Variants in SARNP observed in about 807,000 individuals in gnomAD.
SARNP encodes the protein SAP domain-containing ribonucleoprotein.
In SARNP, 5 loss-of-function variants were observed where a neutral mutation model predicts 38.1. That is an observed-to-expected ratio of 0.13 (90% CI 0.07 to 0.28). The LOEUF (loss-of-function observed/expected upper bound fraction) is 0.28, where lower values mean the gene tolerates loss of function less well. SARNP is among the 10% of genes least tolerant of loss of function. The pLI, the probability that SARNP is intolerant of heterozygous loss-of-function variation, is 1.00. For synonymous variants in SARNP, 84 were observed against 80.6 expected, an observed-to-expected ratio of 1.04 and a Z score of -0.23; for missense variants, 180 against 243.9, an observed-to-expected ratio of 0.74 and a Z score of 1.75.
intron 9 of SARNP, among the ~76,000 whole-genome samples, chr12:55,780,977 GACTGCTGTATGA>G (rs1347836274): frequency 6.6e-6 from 1 of 152,218 alleles, no homozygotes; most frequent in Non-Finnish European, 1.5e-5. Flanking sequence ...GATAAGGGAG[GACTGCTGTATGA>G]ACTTCTTTCA....
downstream of SARNP, chr12:55,752,861 G>A (rs769109287): frequency 5.3e-5 from 8 of 152,050 alleles, no homozygotes; most frequent in Non-Finnish European, 1.0e-4. Flanking sequence ...AAATAAAAGC[G>A]GTCAAAGAGT....
At chr12:55,803,954 C>T (rs895238329) in intron 1 of SARNP, among the ~76,000 whole-genome samples, 1 of 152,208 alleles carries the variant, frequency 6.6e-6, no homozygotes, top group Non-Finnish European at 1.5e-5. Context: ...AAACATCACA[C>T]TTTAATAAAA....
At chr12:55,797,642 T>C (rs1333420601) in intron 4 of SARNP, among the ~76,000 whole-genome samples, 1 of 152,208 alleles carries the variant, frequency 6.6e-6, no homozygotes, top group East Asian at 1.9e-4. Context: ...GCAGTGCACA[T>C]CATGGCAGAA....
chr12:55,773,860 C>CG (rs1354099688), intron 9 of SARNP, among the ~76,000 whole-genome samples: 1 of 152,014 alleles, frequency 6.6e-6, no homozygotes, highest in Non-Finnish European at 1.5e-5. Context: ...TACAGGTGCC[C>CG]ACCACACCAG....
chr12:55,799,270 C>T (rs1879908296), intron 4 of SARNP, among the ~76,000 whole-genome samples: 2 of 152,296 alleles, frequency 1.3e-5, no homozygotes, highest in South Asian at 4.1e-4. Flanking sequence ...AATGCACTAA[C>T]ACAACTATGA....
chr12:55,758,700 T>C (rs549775998), intron 10 of SARNP, among the ~76,000 whole-genome samples: 1 of 151,990 alleles, frequency 6.6e-6, no homozygotes, highest in African/African-American at 2.4e-5. Flanking sequence ...GTCCTCAAGA[T>C]AGTAAGTTCT....
intron 1 of SARNP, among the ~76,000 whole-genome samples, chr12:55,814,325 G>C (rs1411663078): frequency 6.6e-6 from 1 of 152,154 alleles, no homozygotes; most frequent in African/African-American, 2.4e-5. Flanking sequence ...ACATAACTTA[G>C]AAAGCCCTTT....
chr12:55,785,669 G>T (rs1479642634), intron 9 of SARNP, among the ~76,000 whole-genome samples: 1 of 151,932 alleles, frequency 6.6e-6, no homozygotes, highest in Non-Finnish European at 1.5e-5. Flanking sequence ...TAGCTACTCA[G>T]GAGGGTGAGG....
intron 4 of SARNP, among the ~76,000 whole-genome samples, chr12:55,797,313 C>T (rs1324000083): frequency 6.6e-6 from 1 of 152,136 alleles, no homozygotes. Flanking sequence ...GATATGTAAC[C>T]GCTTTAGCTG....
intron 8 of SARNP, among the ~76,000 whole-genome samples, chr12:55,790,006 T>TA (rs1420337667): frequency 6.6e-6 from 1 of 151,412 alleles, no homozygotes; most frequent in Non-Finnish European, 1.5e-5. Flanking sequence ...AACCTTCACT[T>TA]ACAATATTAA....
In SARNP at chr12:55,767,181, C is replaced by G. The variant is rs187133353; in HGVS notation, c.502-6541G>C. Among the ~76,000 whole-genome samples the G allele has an allele frequency of 1.6e-3, 248 of 152,212 alleles. 1 individual carries two copies. The highest frequency in any genetic ancestry group is 2.1e-3 in the South Asian group (10 of 4,822). On this transcript the variant is annotated intron_variant, in intron 9 of 10. Transcript: ENST00000336133. ...TTTTATTGCCGTATTTCTCCTGGTC[C>G]TTGAAACAAAGTTTGAGATCACAAT...
At chr12:55,804,286 T>C (rs1297368341) in intron 1 of SARNP, among the ~76,000 whole-genome samples, 2 of 152,114 alleles carry the variant, frequency 1.3e-5, no homozygotes, top group Non-Finnish European at 2.9e-5. Context: ...TGGCATACCA[T>C]AGAGTTCTGC....
chr12:55,813,678 G>A (rs1220593919), intron 1 of SARNP, among the ~76,000 whole-genome samples: 1 of 151,740 alleles, frequency 6.6e-6, no homozygotes, highest in Non-Finnish European at 1.5e-5. Flanking sequence ...CCGAGTAGCT[G>A]GGATTACAGG....
At chr12:55,799,977 G>A (rs1879932232) in intron 4 of SARNP, among the ~76,000 whole-genome samples, 1 of 151,730 alleles carries the variant, frequency 6.6e-6, no homozygotes, top group South Asian at 2.1e-4. Flanking sequence ...ATCATTTGAG[G>A]TCAGGAGTTC....
At chr12:55,801,443 G>C (rs1879976770) in intron 2 of SARNP, among the ~76,000 whole-genome samples, 2 of 151,946 alleles carry the variant, frequency 1.3e-5, no homozygotes, top group Admixed American at 6.6e-5. Flanking sequence ...ACCCAGTCTT[G>C]AATAACAAAC....
At chr12:55,803,769 T>A (rs1880055495) in intron 1 of SARNP, 41 bp from the exon 2 acceptor site, 1 of 1,285,894 alleles carries the variant, frequency 7.8e-7, no homozygotes, top group Non-Finnish European at 1.1e-6. Flanking sequence ...GTTAACAGGA[T>A]GAACACCAGT....
At chr12:55,776,265 C>T (rs1879177985) in intron 9 of SARNP, among the ~76,000 whole-genome samples, 1 of 152,016 alleles carries the variant, frequency 6.6e-6, no homozygotes, top group Non-Finnish European at 1.5e-5. Context: ...ATAGGGAGAC[C>T]CTGTCTCTGC....
At chr12:55,794,722 C>A (rs1015046253) in intron 6 of SARNP, 85 bp downstream of exon 6, 4 of 840,886 alleles carry the variant, frequency 4.8e-6, no homozygotes, top group African/African-American at 3.4e-5. Flanking sequence ...TACTTAAAAT[C>A]AACAATTATA....
Position 55,778,241 on chromosome 12 carries a change from G to A in SARNP, c.501+10834C>T, listed in dbSNP as rs185400897. On this transcript the variant is annotated intron_variant, in intron 9 of 10. Coordinates refer to ENST00000336133, the MANE Select transcript of SARNP (RefSeq NM_033082.4). Reference sequence around the variant, plus strand: ...AGCTTACTGAGACCTCCACCTCCACGGTTCAAGCAATTCTCGTGATTCAGC... The same window carrying A: ...AGCTTACTGAGACCTCCACCTCCACAGTTCAAGCAATTCTCGTGATTCAGC... 1.1e-4 allele frequency among the ~76,000 whole-genome samples: 17 copies of A among 152,204 alleles called. No homozygotes were observed. In the East Asian group the frequency reaches 3.1e-3, roughly 28 times the overall value.
Sources: allele counts gnomAD v4.1 joint callset (sites outside exome capture counted in the v4.1 genomes callset), GRCh38; gene constraint gnomAD v4.1.1; transcripts MANE v1.5; gene names NCBI Gene and HGNC (gene_info 2026-07-23, HGNC 2026-07-21).